Variants in GRM1 observed in about 807,000 individuals in gnomAD.
GRM1 encodes metabotropic glutamate receptor 1.
GRM1 carries 33 observed loss-of-function variants against 90.9 expected under a neutral mutation model. That is an observed-to-expected ratio of 0.36 (90% CI 0.28 to 0.49). The LOEUF (loss-of-function observed/expected upper bound fraction) is 0.49. Among genes scored for constraint, GRM1 ranks in the 20% least tolerant of loss-of-function variants. The pLI is 0.99. For missense variants in GRM1, 1,190 were observed against 1,534.3 expected (o/e 0.78, Z 3.75); for synonymous variants, 700 against 613.2 (o/e 1.14, Z -2.09).
At chr6:146,274,993 G>A (rs946939891) in intron 2 of GRM1, among the ~76,000 whole-genome samples, 1 of 152,052 alleles carries the variant, frequency 6.6e-6, no homozygotes, top group Admixed American at 6.6e-5. Context: ...TCGTGCCACT[G>A]CACTCCAGCC....
intron 2 of GRM1, among the ~76,000 whole-genome samples, chr6:146,168,309 A>G (rs1777983085): frequency 7.2e-5 from 11 of 151,934 alleles, no homozygotes; most frequent in Admixed American, 7.2e-4. Flanking sequence ...TTACGTTGTT[A>G]TTGCCCATGT....
At chr6:146,299,284 C>G (rs888201124) in intron 2 of GRM1, among the ~76,000 whole-genome samples, 1 of 152,148 alleles carries the variant, frequency 6.6e-6, no homozygotes, top group Non-Finnish European at 1.5e-5. Context: ...TTTAATATCA[C>G]TTTCTCCTTC....
chr6:146,303,308 A>C (rs1381985048), intron 2 of GRM1, among the ~76,000 whole-genome samples: 1 of 152,066 alleles, frequency 6.6e-6, no homozygotes, highest in Non-Finnish European at 1.5e-5. Context: ...TCAGGGCACC[A>C]CTCTGTGCAG....
intron 1 of GRM1, among the ~76,000 whole-genome samples, chr6:146,063,004 C>T (rs1050869426): frequency 2.0e-5 from 3 of 151,446 alleles, no homozygotes; most frequent in South Asian, 4.2e-4. Context: ...TTTCTTTTTC[C>T]TTCGCATTCA....
chr6:146,416,999 C>T (rs765868536), intron 7 of GRM1, among the ~76,000 whole-genome samples: 11 of 152,150 alleles, frequency 7.2e-5, no homozygotes, highest in Non-Finnish European at 1.2e-4. Context: ...TCCAGGATCT[C>T]GGTTCCTCAA....
At chr6:146,246,789 C>G (rs1325017524) in intron 2 of GRM1, among the ~76,000 whole-genome samples, 1 of 152,104 alleles carries the variant, frequency 6.6e-6, no homozygotes, top group East Asian at 1.9e-4. Context: ...TTAACAGAGA[C>G]TCTTTTGGTT....
intron 2 of GRM1, among the ~76,000 whole-genome samples, chr6:146,176,993 A>G (rs1778361801): frequency 6.6e-6 from 1 of 152,120 alleles, no homozygotes; most frequent in Admixed American, 6.5e-5. Context: ...TAACTGTTTA[A>G]CAGAATTCCC....
chr6:146,085,297 T>A (rs1776502930), intron 1 of GRM1, among the ~76,000 whole-genome samples: 1 of 152,082 alleles, frequency 6.6e-6, no homozygotes, highest in Non-Finnish European at 1.5e-5. Flanking sequence ...TTAAGGGTGA[T>A]GCTAAATGGC....
chr6:146,308,172 C>G (rs1184126935), intron 3 of GRM1, among the ~76,000 whole-genome samples: 1 of 152,184 alleles, frequency 6.6e-6, no homozygotes, highest in Non-Finnish European at 1.5e-5. Flanking sequence ...TCCATAGAAG[C>G]TGATAGGGTG....
intron 2 of GRM1, among the ~76,000 whole-genome samples, chr6:146,271,491 C>T (rs1234436634): frequency 2.0e-5 from 3 of 151,996 alleles, no homozygotes; most frequent in Non-Finnish European, 2.9e-5. Context: ...GACAAAGGGG[C>T]CTCTGAGGGA....
chr6:146,033,791 T>C (rs1322134955), intron 1 of GRM1, among the ~76,000 whole-genome samples: 1 of 152,062 alleles, frequency 6.6e-6, no homozygotes, highest in Non-Finnish European at 1.5e-5. Context: ...ACTTTTTTAT[T>C]TGATATAAAA....
intron 2 of GRM1, among the ~76,000 whole-genome samples, chr6:146,212,433 G>A (rs1482585442): frequency 6.6e-6 from 1 of 152,128 alleles, no homozygotes; most frequent in Admixed American, 6.5e-5. Flanking sequence ...AAATAAATAA[G>A]TCAGTAGGTG....
At chr6:146,314,253 T>C (rs962924007) in intron 3 of GRM1, among the ~76,000 whole-genome samples, 2 of 151,480 alleles carry the variant, frequency 1.3e-5, no homozygotes, top group Non-Finnish European at 2.9e-5. Flanking sequence ...TTTTGGTATT[T>C]TTAGTAGAGA....
chr6:146,413,234 C>A (rs1001883950), intron 7 of GRM1, among the ~76,000 whole-genome samples: 5 of 152,060 alleles, frequency 3.3e-5, no homozygotes, highest in Admixed American at 1.3e-4. Context: ...GCTTTGCTGC[C>A]CCCAAATCTG....
At chr6:146,045,578 C>T (rs973166128) in intron 1 of GRM1, among the ~76,000 whole-genome samples, 2 of 151,762 alleles carry the variant, frequency 1.3e-5, no homozygotes, top group African/African-American at 4.8e-5. Context: ...GCTTACAGGG[C>T]TTCACATCAA....
rs550185696 is a variant in GRM1 at position 146,346,975 on chromosome 6, G to T, written c.1187-5275G>T. On this transcript the variant is annotated intron_variant, in intron 3 of 7. Coordinates refer to ENST00000282753, the MANE Select transcript of GRM1 (RefSeq NM_001278064.2). ...CTTTATGAGGAGATAGAATAACGCG[G>T]TGTTTGTTCTTTTAATTTGAAGTTA... Among the ~76,000 whole-genome samples the T allele has an allele frequency of 3.2e-4, 49 of 152,276 alleles. No individual in the cohort carries two copies. In the South Asian group the frequency reaches 0.01, roughly 32 times the overall value.
At chr6:146,372,599 G>A (rs560509837) in intron 5 of GRM1, among the ~76,000 whole-genome samples, 31 of 152,164 alleles carry the variant, frequency 2.0e-4, no homozygotes, top group African/African-American at 7.2e-4. Flanking sequence ...TTAGGTCTTA[G>A]ATTTAAGTCT....
rs538923683 is a variant in GRM1, at chr6:146,230,617, A to G, written c.950+71020A>G. On this transcript the variant is annotated intron_variant, in intron 2 of 7. Transcript: ENST00000282753. ...AAAGACAATTTGGCAGTTTTTTACA[A>G]AACTAAACACACTCTTACCGTGCAA... 1.4e-4 allele frequency among the ~76,000 whole-genome samples: 21 copies of G among 152,256 alleles called. No homozygotes were observed. The South Asian group carries it at 3.7e-3, about 27-fold the overall frequency.
chr6:146,136,766 C>T (rs1776635340), intron 1 of GRM1, among the ~76,000 whole-genome samples: 1 of 149,944 alleles, frequency 6.7e-6, no homozygotes, highest in Non-Finnish European at 1.5e-5. Context: ...AGCATTAGTA[C>T]TATTTATATA....
Sources: allele counts gnomAD v4.1 joint callset (sites outside exome capture counted in the v4.1 genomes callset), GRCh38; gene constraint gnomAD v4.1.1; transcripts MANE v1.5; gene names NCBI Gene and HGNC (gene_info 2026-07-23, HGNC 2026-07-21).